The following KIAA1549 variants were observed in gnomAD, a reference collection of about 807,000 sequenced individuals.
The protein encoded by KIAA1549 is KIAA1549.
A neutral mutation model predicts 156.4 loss-of-function variants in KIAA1549; 70 were observed. The ratio of observed to expected loss-of-function variants is 0.45; its 90% confidence interval spans 0.37 to 0.55. The LOEUF (loss-of-function observed/expected upper bound fraction) is 0.55, where lower values mean the gene tolerates loss of function less well. Among genes scored for constraint, KIAA1549 ranks in the 20% least tolerant of loss-of-function variants. KIAA1549 has a pLI of 0.00. For synonymous variants in KIAA1549, 1,103 were observed against 1,066.4 expected, an observed-to-expected ratio of 1.03 and a Z score of -0.67; for missense variants, 2,428 against 2,540.9, an observed-to-expected ratio of 0.96 and a Z score of 0.96.
chr7:138,935,026 C>CG (rs1450132297), intron 1 of KIAA1549, among the ~76,000 whole-genome samples: 1 of 152,180 alleles, frequency 6.6e-6, no homozygotes, highest in African/African-American at 2.4e-5. Flanking sequence ...CAGTGCCCCC[C>CG]GGAGAAATCC....
chr7:138,863,669 C>T (rs1013219236), intron 15 of KIAA1549, among the ~76,000 whole-genome samples: 18 of 152,176 alleles, frequency 1.2e-4, no homozygotes, highest in African/African-American at 2.7e-4. Context: ...CAGGCCCTCA[C>T]GCAACACAGA....
Position 138,973,268 on chromosome 7 carries a change from CT to C in KIAA1549, c.187+7814del, listed in dbSNP as rs146511984. ...CCAGGCCTAAGAATAACATAAAGAGCTTGTGGAACATTTCAAAAATACAAAT... is the reference window on the plus strand; with the variant it reads ...CCAGGCCTAAGAATAACATAAAGAGCTGTGGAACATTTCAAAAATACAAAT... On this transcript the variant is annotated intron_variant, in intron 1 of 19. Coordinates refer to ENST00000422774, the MANE Select transcript of KIAA1549 (RefSeq NM_001164665.2). 6.8e-3 allele frequency among the ~76,000 whole-genome samples: 1,034 copies of C among 152,326 alleles called. 23 individuals are homozygous for C. The highest frequency in any genetic ancestry group is 0.024 in the African/African-American group (998 of 41,578).
intron 1 of KIAA1549, among the ~76,000 whole-genome samples, chr7:138,923,652 G>A (rs1260470594): frequency 6.6e-6 from 1 of 151,980 alleles, no homozygotes; most frequent in Non-Finnish European, 1.5e-5. Context: ...AAATACTGAT[G>A]GTATAAATGA....
chr7:138,903,810 T>C (rs1811914731), intron 7 of KIAA1549, 74 bp from the exon 8 acceptor site: 9 of 180,618 alleles, frequency 5.0e-5, no homozygotes, highest in Non-Finnish European at 7.7e-5. Context: ...TGTGTGTGTG[T>C]GTGTGTGTGT....
chr7:138,893,381 G>A (rs141494474), intron 10 of KIAA1549, among the ~76,000 whole-genome samples: 1 of 151,744 alleles, frequency 6.6e-6, no homozygotes, highest in Non-Finnish European at 1.5e-5. Flanking sequence ...GATAGGGAGT[G>A]GGGGGAGGTA....
Position 138,832,788 on chromosome 7 carries a change from G to A in KIAA1549, c.*5118C>T, listed in dbSNP as rs1036753268. 3.6e-5 allele frequency: 8 copies of A among 222,694 alleles called. No homozygotes were observed. Among genetic ancestry groups the A allele is most frequent in the East Asian group, 1.3e-4 (2 of 15,256 alleles). 13.8% of individuals were successfully genotyped at this position (222,694 alleles called of 1,614,324 possible). ...ACTTAGCAATGTACCATGATGTTGC[G>A]ATTTCCAAGTCATCTTCATAGTGGA... On this transcript the variant is annotated 3_prime_UTR_variant, in exon 20 of 20. Coordinates refer to ENST00000422774, the MANE Select transcript of KIAA1549 (RefSeq NM_001164665.2).
rs774887850 is a variant in KIAA1549, at chr7:138,917,773, C to T, written c.1853G>A (p.Gly618Asp). Reference sequence around the variant, plus strand: ...AAAGCTGGATGCAAAATCCAAAGCACCTCTGGGTTTATGCTCAGAAAAACT... The same window carrying T: ...AAAGCTGGATGCAAAATCCAAAGCATCTCTGGGTTTATGCTCAGAAAAACT... ...RSSFSEHKPR[G>D]ALDFASSFFS... is the part of the protein sequence containing the mutation. Residue 618 changes from glycine to aspartate, a missense_variant, in exon 2 of 20, where the codon GGT (glycine) becomes GAT (aspartate). By Grantham distance (94) the Gly-to-Asp change is moderately conservative. This residue lies in a region of KIAA1549 where 893 missense variants were observed against 847.9 expected (regional missense o/e 1.05). Coordinates refer to ENST00000422774, the MANE Select transcript of KIAA1549 (RefSeq NM_001164665.2). The T allele has an allele frequency of 2.5e-6, 4 of 1,580,238 alleles. No homozygotes were observed. Among genetic ancestry groups the T allele is most frequent in the Admixed American group, 1.9e-5 (1 of 53,788 alleles).
In KIAA1549 at chr7:138,916,845, G is replaced by A. The variant is rs1225205265; in HGVS notation, c.2781C>T (p.Phe927=). 4.3e-6 allele frequency: 7 copies of A among 1,613,902 alleles called. No homozygotes were observed. Among genetic ancestry groups the A allele is most frequent in the Admixed American group, 1.7e-5 (1 of 60,004 alleles). ...GTGTGTCGACTGTTGCTTCGAGAGTGAAGGCAGTCACGGGACGCAGGGATG... is the reference window on the plus strand; with the variant it reads ...GTGTGTCGACTGTTGCTTCGAGAGTAAAGGCAGTCACGGGACGCAGGGATG... ...PLPSLRPVTA[F]TLEATVDTPT... Residue 927 remains phenylalanine (F), a synonymous_variant, in exon 2 of 20, where the codon TTC becomes TTT. Coordinates refer to ENST00000422774, the MANE Select transcript of KIAA1549 (RefSeq NM_001164665.2).
chr7:138,941,745 C>T (rs1223818029), intron 1 of KIAA1549, among the ~76,000 whole-genome samples: 1 of 152,202 alleles, frequency 6.6e-6, no homozygotes, highest in East Asian at 1.9e-4. Flanking sequence ...AGCACTTCCA[C>T]TCAGGAGAGC....
At chr7:138,843,922 A>G (rs1164901226) in intron 18 of KIAA1549, among the ~76,000 whole-genome samples, 2 of 152,096 alleles carry the variant, frequency 1.3e-5, no homozygotes, top group Non-Finnish European at 2.9e-5. Flanking sequence ...TTGTTTTGAG[A>G]TAAGAGTTTT....
chr7:138,903,035 T>C (rs898311381), intron 8 of KIAA1549, among the ~76,000 whole-genome samples: 5 of 152,210 alleles, frequency 3.3e-5, no homozygotes, highest in African/African-American at 1.2e-4. Flanking sequence ...ATTGGCTATG[T>C]AATTTCTAGA....
intron 12 of KIAA1549, among the ~76,000 whole-genome samples, chr7:138,877,260 G>A (rs9918590): frequency 0.08 from 12,217 of 152,246 alleles, 637 homozygotes; most frequent in East Asian, 0.22. Context: ...TTGGGAGGCC[G>A]AGGTGGGCAG....
intron 1 of KIAA1549, among the ~76,000 whole-genome samples, chr7:138,975,658 T>G (rs760821459): frequency 1.6e-4 from 25 of 152,226 alleles, no homozygotes; most frequent in Non-Finnish European, 2.9e-5. Flanking sequence ...TTAACTCACC[T>G]TTTAACAAAT....
intron 4 of KIAA1549, among the ~76,000 whole-genome samples, chr7:138,910,527 C>G (rs1360629279): frequency 6.6e-6 from 1 of 151,214 alleles, no homozygotes; most frequent in Non-Finnish European, 1.5e-5. Flanking sequence ...CCACCCAAGT[C>G]ACTGGGATTA....
Position 138,880,808 on chromosome 7 carries a change from A to AG in KIAA1549, c.4229+579dup, listed in dbSNP as rs547103317. ...AATTCTCCATGTGCTATACTTTGAGAGGGGGAATGGGGAGCGAGGCAGGGA... is the reference window on the plus strand; with the variant it reads ...AATTCTCCATGTGCTATACTTTGAGAGGGGGGAATGGGGAGCGAGGCAGGGA... On this transcript the variant is annotated intron_variant, in intron 11 of 19. Coordinates refer to ENST00000422774, the MANE Select transcript of KIAA1549 (RefSeq NM_001164665.2). Among the ~76,000 whole-genome samples the AG allele has an allele frequency of 4.8e-3, 728 of 152,180 alleles. 3 individuals carry two copies. The highest frequency in any genetic ancestry group is 0.017 in the African/African-American group (694 of 41,528).
At chr7:138,871,999 A>T (rs1810950652) in intron 12 of KIAA1549, among the ~76,000 whole-genome samples, 1 of 152,068 alleles carries the variant, frequency 6.6e-6, no homozygotes, top group Non-Finnish European at 1.5e-5. Flanking sequence ...TTTATTTTTT[A>T]TTTTTTTGAG....
chr7:138,869,994 C>A (rs1331321614), intron 13 of KIAA1549, among the ~76,000 whole-genome samples: 1 of 152,084 alleles, frequency 6.6e-6, no homozygotes, highest in Non-Finnish European at 1.5e-5. Context: ...GGATTACAGA[C>A]ACGCACCATC....
At chr7:138,896,648 G>A (rs1274575547) in intron 9 of KIAA1549, among the ~76,000 whole-genome samples, 4 of 150,266 alleles carry the variant, frequency 2.7e-5, no homozygotes, top group Admixed American at 2.7e-4. Flanking sequence ...AGGCTAGAAT[G>A]TGGTGGCACA....
chr7:138,937,072 C>G (rs1199318672), intron 1 of KIAA1549, among the ~76,000 whole-genome samples: 4 of 152,204 alleles, frequency 2.6e-5, no homozygotes, highest in Non-Finnish European at 4.4e-5. Context: ...CCAAAGCCCT[C>G]AGCTGAGATA....
Sources: allele counts gnomAD v4.1 joint callset (sites outside exome capture counted in the v4.1 genomes callset), GRCh38; gene constraint gnomAD v4.1.1; regional missense constraint gnomAD v4.1.1; transcripts MANE v1.5; gene names NCBI Gene and HGNC (gene_info 2026-07-23, HGNC 2026-07-21).